PDE1A: variants seen among roughly 807,000 people sequenced by gnomAD.
PDE1A encodes dual specificity calcium/calmodulin-dependent 3',5'-cyclic nucleotide phosphodiesterase 1A.
PDE1A carries 35 observed loss-of-function variants against 61.7 expected under a neutral mutation model. That is an observed-to-expected ratio of 0.57 (90% CI 0.43 to 0.75). PDE1A has a LOEUF of 0.75. Among genes scored for constraint, PDE1A ranks in the 30% least tolerant of loss-of-function variants. PDE1A has a pLI of 0.00. For synonymous variants in PDE1A, 232 were observed against 213.2 expected (o/e 1.09, Z -0.77); for missense variants, 597 against 630.6 (o/e 0.95, Z 0.57).
intron 1 of PDE1A, among the ~76,000 whole-genome samples, chr2:182,338,859 A>G (rs1698008205): frequency 6.6e-6 from 1 of 152,124 alleles, no homozygotes; most frequent in Non-Finnish European, 1.5e-5. Context: ...GCTTGAGATG[A>G]CAGACAAGTA....
At chr2:182,337,378 G>A (rs746936153) in intron 1 of PDE1A, among the ~76,000 whole-genome samples, 3 of 152,126 alleles carry the variant, frequency 2.0e-5, no homozygotes, top group Non-Finnish European at 2.9e-5. Context: ...TTATAATACA[G>A]AGTTATGTTC....
the PDE1A span, among the ~76,000 whole-genome samples, chr2:182,555,393 G>A: frequency 1.3e-5 from 2 of 152,132 alleles, no homozygotes; most frequent in Non-Finnish European, 2.9e-5. Context: ...TAATCGGTGT[G>A]GATGCCACCT....
At chr2:182,359,539 G>A (rs1381534218) in intron 1 of PDE1A, among the ~76,000 whole-genome samples, 1 of 152,096 alleles carries the variant, frequency 6.6e-6, no homozygotes, top group East Asian at 1.9e-4. Flanking sequence ...GTATACAACT[G>A]TACTAATGCA....
At chr2:182,355,610 T>G (rs1283844951) in intron 1 of PDE1A, among the ~76,000 whole-genome samples, 1 of 152,180 alleles carries the variant, frequency 6.6e-6, no homozygotes, top group East Asian at 1.9e-4. Flanking sequence ...TACATCTGAA[T>G]TTTACATGTA....
At chr2:182,211,417 T>G (rs964032747) in intron 7 of PDE1A, among the ~76,000 whole-genome samples, 2 of 152,230 alleles carry the variant, frequency 1.3e-5, no homozygotes, top group African/African-American at 4.8e-5. Context: ...TTGATTACTG[T>G]GGTTTTGTAG....
At chr2:182,547,891 G>T in the PDE1A span, among the ~76,000 whole-genome samples, 3 of 152,310 alleles carry the variant, frequency 2.0e-5, no homozygotes, top group Admixed American at 6.5e-5. Flanking sequence ...CCTAGGACAA[G>T]TAAGTTTTGA....
intron 1 of PDE1A, among the ~76,000 whole-genome samples, chr2:182,267,631 G>A (rs11895090): frequency 0.26 from 40,048 of 151,788 alleles, 5,428 homozygotes; most frequent in Middle Eastern, 0.37. Flanking sequence ...TTTACAACTA[G>A]AACACGAGCT....
chr2:182,341,826 TG>T (rs141007474), intron 1 of PDE1A, among the ~76,000 whole-genome samples: 7,037 of 152,262 alleles, frequency 0.046, 520 homozygotes, highest in African/African-American at 0.16. Context: ...GGTGCAATCA[TG>T]GCTCACTGCA....
chr2:182,586,729 G>GTA, the PDE1A span, among the ~76,000 whole-genome samples: 1 of 152,080 alleles, frequency 6.6e-6, no homozygotes, highest in African/African-American at 2.4e-5. Context: ...ATATACCCTA[G>GTA]TAGGCAAGAT....
At chr2:182,238,201 G>A (rs1401392488) in intron 3 of PDE1A, among the ~76,000 whole-genome samples, 1 of 148,942 alleles carries the variant, frequency 6.7e-6, no homozygotes, top group African/African-American at 2.5e-5. Flanking sequence ...CCCGGGAGGC[G>A]GAGCTTGCAG....
chr2:182,454,200 C>A (rs1351182313), intron 2 of PDE1A, among the ~76,000 whole-genome samples: 1 of 152,092 alleles, frequency 6.6e-6, no homozygotes, highest in Non-Finnish European at 1.5e-5. Context: ...ACCTCGGAAT[C>A]CAGCTTACAA....
At chr2:182,173,325 A>G (rs1240084081) in intron 13 of PDE1A, among the ~76,000 whole-genome samples, 1 of 152,050 alleles carries the variant, frequency 6.6e-6, no homozygotes, top group Non-Finnish European at 1.5e-5. Flanking sequence ...GAATGAGTGA[A>G]TGAATGGATA....
intron 2 of PDE1A, 146 bp downstream of exon 2, chr2:182,264,155 A>C: frequency 1.8e-6 from 1 of 550,984 alleles, no homozygotes; most frequent in Non-Finnish European, 3.3e-6. Flanking sequence ...TACATGAAGA[A>C]GAACATTTCA....
chr2:182,202,217 C>T (rs768048307), intron 8 of PDE1A, among the ~76,000 whole-genome samples: 1 of 152,242 alleles, frequency 6.6e-6, no homozygotes, highest in Admixed American at 6.5e-5. Flanking sequence ...TCTAAATCCA[C>T]ATGTCAACCA....
At chr2:182,614,405 T>A in the PDE1A span, among the ~76,000 whole-genome samples, 21 of 152,128 alleles carry the variant, frequency 1.4e-4, no homozygotes, top group Non-Finnish European at 2.4e-4. Context: ...TAATATAAAG[T>A]CCATATAAAC....
At chr2:182,577,994 G>GGAAGGAAGGAACGA in the PDE1A span, among the ~76,000 whole-genome samples, 1 of 116,798 alleles carries the variant, frequency 8.6e-6, no homozygotes, top group African/African-American at 3.7e-5. Flanking sequence ...GGAAGGAAGG[G>GGAAGGAAGGAACGA]ACGGAGGGAG....
Position 182,195,730 on chromosome 2 carries a change from G to C in PDE1A, c.1125+5709C>G, listed in dbSNP as rs182703304. Among the ~76,000 whole-genome samples the C allele has an allele frequency of 1.5e-3, 232 of 152,148 alleles. 1 individual carries two copies. The highest frequency in any genetic ancestry group is 2.0e-3 in the Non-Finnish European group (138 of 67,954). On this transcript the variant is annotated intron_variant, in intron 10 of 13. Coordinates refer to ENST00000351439, the Ensembl canonical transcript of PDE1A. ...GCTTTGTAAAAGTGCTGTTTTCACT[G>C]TCCGAGATGAAAAACCCAGTCACCT...
intron 2 of PDE1A, among the ~76,000 whole-genome samples, chr2:182,262,955 A>ATGTGTGTG (rs60469609): frequency 0.12 from 18,283 of 147,096 alleles, 1,260 homozygotes; most frequent in Middle Eastern, 0.2. Flanking sequence ...TTATTAAACA[A>ATGTGTGTG]TGTGTGTGTG....
rs188520962 is a variant in PDE1A at position 182,343,287 on chromosome 2, C to A, written c.54-78873G>T. Among the ~76,000 whole-genome samples, 477 of 152,288 alleles carry A rather than the reference C, an allele frequency of 3.1e-3. 2 individuals carry two copies. Among genetic ancestry groups the A allele is most frequent in the Non-Finnish European group, 5.0e-3 (337 of 68,020 alleles). ...ATTAAGCAGGCAGGTCTAATTCCTG[C>A]TTATTCACTATAAATTAGAGTTAAT... On this transcript the variant is annotated intron_variant, in intron 1 of 13. Transcript: ENST00000351439.
Sources: allele counts gnomAD v4.1 joint callset (sites outside exome capture counted in the v4.1 genomes callset), GRCh38; gene constraint gnomAD v4.1.1; transcripts MANE v1.5; gene names NCBI Gene and HGNC (gene_info 2026-07-23, HGNC 2026-07-21).